Variants in ABCC1 observed in about 807,000 individuals in gnomAD.
ABCC1 encodes the protein multidrug resistance-associated protein 1.
Under a neutral mutation model 172.9 loss-of-function variants are expected in ABCC1, and 83 were observed. The ratio of observed to expected loss-of-function variants is 0.48; its 90% CI spans 0.40 to 0.58. The LOEUF is 0.58. Ranked by LOEUF, ABCC1 falls within the 20% of genes least tolerant of loss-of-function variation. The probability of loss-of-function intolerance (pLI) is 0.00; values close to 1 mark genes in which losing one functional copy is unlikely to be tolerated. For missense variants in ABCC1, 1,817 were observed against 2,002.7 expected, an observed-to-expected ratio of 0.91 and a Z score of 1.77; for synonymous variants, 937 against 825.2, an observed-to-expected ratio of 1.14 and a Z score of -2.32.
intron 7 of ABCC1, among the ~76,000 whole-genome samples, chr16:16,037,097 G>A (rs951995540): frequency 3.3e-5 from 5 of 149,814 alleles, no homozygotes; most frequent in South Asian, 2.1e-4. Context: ...GTGAGACTCC[G>A]TCTCAAAAAA....
rs558916207 is a variant in ABCC1, at chr16:16,083,332, G to C, written c.2116-34G>C. 8.1e-6 allele frequency: 13 copies of C among 1,605,644 alleles called. No homozygotes were observed. In the East Asian group the frequency reaches 2.9e-4, roughly 36 times the overall value. On this transcript the variant is annotated intron_variant, in intron 16 of 30. Coordinates refer to ENST00000399410, the MANE Select transcript of ABCC1 (RefSeq NM_004996.4). ...TCTCGTTGATCAGATCTGTCTGTGT[G>C]TCTGTCTCACCTCGTTCTCCATTTG...
chr16:16,103,764 G>A (rs1473302574), intron 20 of ABCC1, among the ~76,000 whole-genome samples: 1 of 152,176 alleles, frequency 6.6e-6, no homozygotes, highest in East Asian at 1.9e-4. Context: ...GCCTGGAACA[G>A]ACAAACACTT....
intron 1 of ABCC1, among the ~76,000 whole-genome samples, chr16:15,997,805 C>CTTTTT (rs34346901): frequency 4.3e-5 from 5 of 116,820 alleles, no homozygotes; most frequent in Admixed American, 8.9e-5. Flanking sequence ...GCCTCGATAC[C>CTTTTT]TTTTTTTTTT....
intron 18 of ABCC1, among the ~76,000 whole-genome samples, chr16:16,089,029 A>G (rs2051130849): frequency 6.6e-6 from 1 of 152,148 alleles, no homozygotes; most frequent in African/African-American, 2.4e-5. Flanking sequence ...AGCATCGTCT[A>G]CAGCTGCTTC....
At chr16:16,053,762 G>A (rs1332153186) in intron 11 of ABCC1, among the ~76,000 whole-genome samples, 3 of 89,850 alleles carry the variant, frequency 3.3e-5, no homozygotes, top group African/African-American at 8.1e-5. Context: ...ACAACAGAGT[G>A]AGACCCTGTC....
intron 20 of ABCC1, 79 bp downstream of exon 20, chr16:16,102,796 C>A: frequency 7.2e-7 from 1 of 1,389,434 alleles, no homozygotes; most frequent in Non-Finnish European, 9.9e-7. Context: ...AAAAAAAGGC[C>A]TCAGCCCCCT....
At chr16:16,009,200 C>T (rs1278647465) in intron 2 of ABCC1, among the ~76,000 whole-genome samples, 1 of 152,072 alleles carries the variant, frequency 6.6e-6, no homozygotes, top group African/African-American at 2.4e-5. Context: ...TTCCAGTGAT[C>T]CTCCTGCCTC....
intron 2 of ABCC1, among the ~76,000 whole-genome samples, chr16:16,008,244 A>G (rs2047628296): frequency 6.6e-6 from 1 of 152,024 alleles, no homozygotes; most frequent in Non-Finnish European, 1.5e-5. Flanking sequence ...TTCCCTGTTT[A>G]TGCAATAGGA....
At chr16:16,044,413 G>T in intron 7 of ABCC1, 37 bp from the exon 8 acceptor site, 1 of 1,581,244 alleles carries the variant, frequency 6.3e-7, no homozygotes, top group Non-Finnish European at 8.7e-7. Context: ...TGCATCTCTG[G>T]CAGACCCCAC....
intron 1 of ABCC1, among the ~76,000 whole-genome samples, chr16:15,981,317 C>A (rs987374050): frequency 2.0e-5 from 3 of 152,220 alleles, no homozygotes; most frequent in African/African-American, 7.2e-5. Flanking sequence ...GGGCCTCTGG[C>A]CCCACATTTG....
At chr16:16,067,504 C>G (rs117136045) in intron 12 of ABCC1, among the ~76,000 whole-genome samples, 1 of 152,188 alleles carries the variant, frequency 6.6e-6, no homozygotes, top group East Asian at 1.9e-4. Context: ...AAATAAACAC[C>G]CTACATAAGT....
intron 12 of ABCC1, among the ~76,000 whole-genome samples, chr16:16,065,559 A>T (rs1348902806): frequency 6.6e-6 from 1 of 152,228 alleles, no homozygotes; most frequent in East Asian, 1.9e-4. Flanking sequence ...CAGCCTCCCT[A>T]GTAGCTGGGA....
chr16:15,957,867 C>A (rs1190067420), intron 1 of ABCC1, among the ~76,000 whole-genome samples: 1 of 152,238 alleles, frequency 6.6e-6, no homozygotes, highest in South Asian at 2.1e-4. Flanking sequence ...GCTGGGATTA[C>A]AGGCATGAGC....
chr16:16,005,628 G>C lies in ABCC1; in HGVS notation c.49-2188G>C, dbSNP rs146214240. On this transcript the variant is annotated intron_variant, in intron 1 of 30. Coordinates refer to ENST00000399410, the MANE Select transcript of ABCC1 (RefSeq NM_004996.4). The stretch of plus-strand genomic sequence containing the variant: ...CCCAAAGTGCTGGGATGACAGGCGT[G>C]AGCCACTGCGCCCAGAAGATTTTCT... 6.1e-3 allele frequency among the ~76,000 whole-genome samples: 934 copies of C among 152,280 alleles called. 7 individuals carry two copies. The highest frequency in any genetic ancestry group is 0.02 in the African/African-American group (814 of 41,560).
chr16:16,027,665 T>C (rs1357874074), intron 5 of ABCC1, among the ~76,000 whole-genome samples: 2 of 152,000 alleles, frequency 1.3e-5, no homozygotes, highest in East Asian at 3.9e-4. Context: ...ATACAAAAAT[T>C]AGCTGGGTGT....
At chr16:16,114,624 A>G (rs1358324584) in intron 22 of ABCC1, 142 bp from the exon 23 acceptor site, 1 of 831,922 alleles carries the variant, frequency 1.2e-6, no homozygotes, top group African/African-American at 1.7e-5. Context: ...TACAGGTGTG[A>G]GCCACCATGC....
chr16:16,063,689 G>A (rs1017214955), intron 12 of ABCC1, among the ~76,000 whole-genome samples: 8 of 152,142 alleles, frequency 5.3e-5, no homozygotes, highest in African/African-American at 9.7e-5. Flanking sequence ...GAGTTCCCAA[G>A]ATAATGTTGG....
intron 5 of ABCC1, among the ~76,000 whole-genome samples, chr16:16,027,873 T>C (rs1241518104): frequency 6.6e-6 from 1 of 152,196 alleles, no homozygotes; most frequent in African/African-American, 2.4e-5. Flanking sequence ...CTGTCACTGC[T>C]TCTATTATTA....
At chr16:16,026,663 C>T (rs1014723414) in intron 5 of ABCC1, among the ~76,000 whole-genome samples, 1 of 151,614 alleles carries the variant, frequency 6.6e-6, no homozygotes, top group African/African-American at 2.4e-5. Flanking sequence ...TGCCTGTAAT[C>T]CCAGCGCTTT....
Sources: gnomAD v4.1 joint callset for allele counts (sites outside exome capture counted in the v4.1 genomes callset) on GRCh38, gnomAD v4.1.1 for gene constraint, MANE v1.5 for transcripts, NCBI Gene and HGNC (gene_info 2026-07-23, HGNC 2026-07-21) for gene names.